The following RTN4 variants were observed in gnomAD, a reference collection of about 807,000 sequenced individuals.
The protein encoded by RTN4 is reticulon-4.
Under a neutral mutation model 90.4 loss-of-function variants are expected in RTN4, and 32 were observed. The observed-to-expected ratio is 0.35, with a 90% CI of 0.27 to 0.48. RTN4 has a LOEUF of 0.48. Among genes scored for constraint, RTN4 ranks in the 20% least tolerant of loss-of-function variants. The pLI, the probability that RTN4 is intolerant of heterozygous loss-of-function variation, is 0.99. For missense variants in RTN4, 1,706 were observed against 1,430.2 expected, an observed-to-expected ratio of 1.19 and a Z score of -3.11; for synonymous variants, 629 against 552.5, an observed-to-expected ratio of 1.14 and a Z score of -1.94.
At chr2:55,073,455 G>C (rs1668548837) in intron 2 of RTN4, among the ~76,000 whole-genome samples, 1 of 152,158 alleles carries the variant, frequency 6.6e-6, no homozygotes, top group Non-Finnish European at 1.5e-5. Flanking sequence ...TGTTATCCTT[G>C]GAGCTAAGAG....
At chr2:55,002,372 T>TC (rs1374080168) in intron 3 of RTN4, among the ~76,000 whole-genome samples, 1 of 151,992 alleles carries the variant, frequency 6.6e-6, no homozygotes, top group Non-Finnish European at 1.5e-5. Context: ...GGTCTTTTTT[T>TC]CCTATATTTC....
intron 2 of RTN4, among the ~76,000 whole-genome samples, chr2:55,075,454 T>C (rs2105022113): frequency 6.6e-6 from 1 of 152,240 alleles, no homozygotes; most frequent in Middle Eastern, 3.4e-3. Context: ...CACAAACAAA[T>C]GGAAACACAT....
intron 2 of RTN4, among the ~76,000 whole-genome samples, chr2:55,065,687 G>C (rs2968831): frequency 0.91 from 138,807 of 152,202 alleles, 63,395 homozygotes; most frequent in Middle Eastern, 0.98. Context: ...ACACGCAAAG[G>C]ATGCAGTATG....
upstream of RTN4, among the ~76,000 whole-genome samples, chr2:55,053,971 G>C (rs1668146434): frequency 6.6e-6 from 1 of 152,170 alleles, no homozygotes; most frequent in African/African-American, 2.4e-5. Context: ...AGACTGGAGA[G>C]AAGGAGAAGG....
chr2:55,133,837 G>C, the RTN4 span, among the ~76,000 whole-genome samples: 51 of 152,282 alleles, frequency 3.3e-4, 2 homozygotes, highest in East Asian at 9.9e-3. Context: ...GAAGTCATGT[G>C]GGTTCTTGGC....
chr2:55,093,417 G>T (rs1478263466), intron 1 of RTN4, among the ~76,000 whole-genome samples: 1 of 121,500 alleles, frequency 8.2e-6, no homozygotes, highest in East Asian at 2.7e-4. Flanking sequence ...TATATATATA[G>T]AATAAATTAA....
chr2:55,113,689 A>T (rs1470968240), upstream of RTN4, among the ~76,000 whole-genome samples: 1 of 152,002 alleles, frequency 6.6e-6, no homozygotes, highest in East Asian at 1.9e-4. Context: ...CATCATCCCA[A>T]CTCTACCCTA....
At chr2:55,021,044 T>A (rs1681391948) in intron 3 of RTN4, among the ~76,000 whole-genome samples, 1 of 152,132 alleles carries the variant, frequency 6.6e-6, no homozygotes, top group Non-Finnish European at 1.5e-5. Flanking sequence ...CTGAGGAAAT[T>A]AGTATTTTAT....
At chr2:55,133,395 T>C in the RTN4 span, among the ~76,000 whole-genome samples, 1 of 152,218 alleles carries the variant, frequency 6.6e-6, no homozygotes, top group Non-Finnish European at 1.5e-5. Context: ...CCCTGCCTTT[T>C]TTTTACTTGC....
chr2:55,111,867 G>A lies in RTN4; in HGVS notation c.-214+653C>T, dbSNP rs1050616932. ...TCTTCCCGAATGCTGCCTGCCTCCT[G>A]CCTTGTGACCAGCTCTGCCGGCAGA... On this transcript the variant is annotated intron_variant, in intron 1 of 3. Coordinates refer to the RTN4 transcript ENST00000427710. Among the ~76,000 whole-genome samples the A allele has an allele frequency of 3.9e-5, 6 of 152,256 alleles. No homozygotes were observed. The South Asian group carries it at 8.3e-4, about 21-fold the overall frequency.
At chr2:55,081,385 C>A (rs1244305356) in intron 1 of RTN4, among the ~76,000 whole-genome samples, 1 of 152,046 alleles carries the variant, frequency 6.6e-6, no homozygotes, top group Non-Finnish European at 1.5e-5. Context: ...CCTTCACTCT[C>A]TTTTAAGCTA....
In RTN4 at chr2:54,986,835, T is replaced by C. The variant is rs146594580; in HGVS notation, c.3221+656A>G. On this transcript the variant is annotated intron_variant, in intron 4 of 8. Coordinates refer to ENST00000337526, the MANE Select transcript of RTN4 (RefSeq NM_020532.5). ...ATATACTAAAAACCAATGAGTTTTA[T>C]GGTATATGAATTATATGTCAATTAA... Among the ~76,000 whole-genome samples the C allele has an allele frequency of 1.6e-4, 24 of 152,228 alleles. No homozygotes were observed. In the East Asian group the frequency reaches 4.6e-3, roughly 29 times the overall value.
At chr2:54,975,218 A>C (rs1264370454) in intron 5 of RTN4, among the ~76,000 whole-genome samples, 1 of 152,236 alleles carries the variant, frequency 6.6e-6, no homozygotes, top group Non-Finnish European at 1.5e-5. Context: ...AAGAGTACTT[A>C]TCAGGGAAAT....
At chr2:55,073,814 T>C (rs562653160) in intron 2 of RTN4, among the ~76,000 whole-genome samples, 1 of 152,334 alleles carries the variant, frequency 6.6e-6, no homozygotes, top group South Asian at 2.1e-4. Context: ...TTTCTTCACT[T>C]AAAGGCAAAG....
At chr2:54,993,376 A>T (rs1186645762) in intron 3 of RTN4, among the ~76,000 whole-genome samples, 3 of 152,182 alleles carry the variant, frequency 2.0e-5, no homozygotes, top group African/African-American at 7.2e-5. Flanking sequence ...TGTTAGGTTA[A>T]TAAATATTTG....
chr2:55,132,142 A>T, the RTN4 span, among the ~76,000 whole-genome samples: 3 of 152,184 alleles, frequency 2.0e-5, no homozygotes, highest in Non-Finnish European at 2.9e-5. Context: ...GCAGTACGTT[A>T]ATTGCTGAAG....
At chr2:55,113,052 GCC>G (rs1668066084), upstream of RTN4, among the ~76,000 whole-genome samples, 1 of 152,184 alleles carries the variant, frequency 6.6e-6, no homozygotes, top group Non-Finnish European at 1.5e-5. Flanking sequence ...GAAGGCCCTG[GCC>G]ACACTGTGAT....
chr2:55,133,223 C>A, the RTN4 span, among the ~76,000 whole-genome samples: 3 of 151,908 alleles, frequency 2.0e-5, no homozygotes, highest in African/African-American at 2.4e-5. Flanking sequence ...AAAACTAAAA[C>A]TAAAAATAAA....
intron 1 of RTN4, among the ~76,000 whole-genome samples, chr2:55,038,240 CA>C (rs1435446773): frequency 6.6e-6 from 1 of 152,028 alleles, no homozygotes; most frequent in Non-Finnish European, 1.5e-5. Context: ...TCTTAGACAT[CA>C]CAAAGAAAGC....
Sources: allele counts gnomAD v4.1 joint callset (sites outside exome capture counted in the v4.1 genomes callset), GRCh38; gene constraint gnomAD v4.1.1; transcripts MANE v1.5; gene names NCBI Gene and HGNC (gene_info 2026-07-23, HGNC 2026-07-21).